TRPS1: variants seen among roughly 807,000 people sequenced by gnomAD.
TRPS1 encodes the protein transcriptional repressor GATA binding 1.
A neutral mutation model predicts 101.2 loss-of-function variants in TRPS1; 6 were observed. The observed-to-expected ratio is 0.06, with a 90% CI of 0.03 to 0.12. The LOEUF (loss-of-function observed/expected upper bound fraction) is 0.12. Ranked by LOEUF, TRPS1 falls within the 10% of genes least tolerant of loss-of-function variation. The pLI is 1.00. For missense variants in TRPS1, 1,363 were observed against 1,567.0 expected (o/e 0.87, Z 2.20); for synonymous variants, 578 against 589.8 (o/e 0.98, Z 0.29).
intron 5 of TRPS1, among the ~76,000 whole-genome samples, chr8:115,489,020 T>G (rs1814956713): frequency 1.3e-5 from 2 of 152,156 alleles, no homozygotes; most frequent in Non-Finnish European, 2.9e-5. Context: ...ACTTTTAAAC[T>G]CCCACTCCAT....
chr8:115,476,464 G>A (rs1305136236), intron 5 of TRPS1, among the ~76,000 whole-genome samples: 5 of 152,122 alleles, frequency 3.3e-5, no homozygotes, highest in Non-Finnish European at 7.4e-5. Context: ...ATCAGAGAGG[G>A]AGTTATTTCC....
chr8:115,658,543 T>A (rs1811727046), intron 1 of TRPS1, among the ~76,000 whole-genome samples: 1 of 152,150 alleles, frequency 6.6e-6, no homozygotes, highest in Admixed American at 6.6e-5. Flanking sequence ...GAGGGAAACC[T>A]GCTAATACTA....
intron 1 of TRPS1, among the ~76,000 whole-genome samples, chr8:115,662,928 C>T (rs998342952): frequency 7.2e-5 from 11 of 151,978 alleles, no homozygotes; most frequent in Non-Finnish European, 1.2e-4. Flanking sequence ...TAACAGGTGT[C>T]GCATTCGTTA....
At chr8:115,615,565 C>G (rs1229924396) in intron 3 of TRPS1, among the ~76,000 whole-genome samples, 1 of 152,070 alleles carries the variant, frequency 6.6e-6, no homozygotes, top group Non-Finnish European at 1.5e-5. Context: ...TCGAGACCAG[C>G]CTGGCCAATA....
chr8:115,522,618 A>C (rs1035512269), intron 5 of TRPS1, among the ~76,000 whole-genome samples: 3 of 152,110 alleles, frequency 2.0e-5, no homozygotes, highest in African/African-American at 7.2e-5. Flanking sequence ...GAAAGGAAAT[A>C]ATGAAATGTG....
At chr8:115,498,415 C>CTATATATATATATATA (rs67505193) in intron 5 of TRPS1, among the ~76,000 whole-genome samples, 2 of 39,314 alleles carry the variant, frequency 5.1e-5, no homozygotes, top group Non-Finnish European at 8.8e-5. Flanking sequence ...CTCTCTCTCT[C>CTATATATATATATATA]TATATATATA....
chr8:115,576,774 C>A (rs1186386954), intron 5 of TRPS1, among the ~76,000 whole-genome samples: 1 of 152,148 alleles, frequency 6.6e-6, no homozygotes, highest in Non-Finnish European at 1.5e-5. Context: ...ATATTTTAGA[C>A]TCTTCAAAAA....
chr8:115,550,075 G>A (rs1816668083), intron 5 of TRPS1, among the ~76,000 whole-genome samples: 1 of 152,062 alleles, frequency 6.6e-6, no homozygotes, highest in Non-Finnish European at 1.5e-5. Context: ...AAATTAGCCA[G>A]GCGTGGTGGT....
intron 5 of TRPS1, among the ~76,000 whole-genome samples, chr8:115,464,783 T>G (rs914146958): frequency 6.6e-6 from 1 of 152,132 alleles, no homozygotes; most frequent in Non-Finnish European, 1.5e-5. Flanking sequence ...ATCATTTGTG[T>G]GCCTTAAATT....
intron 5 of TRPS1, among the ~76,000 whole-genome samples, chr8:115,510,297 T>G (rs1259639567): frequency 6.6e-6 from 1 of 151,958 alleles, no homozygotes; most frequent in African/African-American, 2.4e-5. Context: ...ACTTGGCTGG[T>G]TATGGACTTA....
chr8:115,572,846 A>C (rs145025216), intron 5 of TRPS1, among the ~76,000 whole-genome samples: 364 of 152,252 alleles, frequency 2.4e-3, no homozygotes, highest in African/African-American at 8.3e-3. Flanking sequence ...CTGAAAATAA[A>C]TATACGCCAG....
chr8:115,486,951 T>TA (rs2130086404), intron 5 of TRPS1, among the ~76,000 whole-genome samples: 2 of 152,312 alleles, frequency 1.3e-5, no homozygotes, highest in South Asian at 2.1e-4. Flanking sequence ...TCAATGGAGA[T>TA]AAGACAGTTT....
chr8:115,445,317 A>G (rs1173239637), intron 5 of TRPS1, among the ~76,000 whole-genome samples: 2 of 152,186 alleles, frequency 1.3e-5, no homozygotes, highest in African/African-American at 2.4e-5. Flanking sequence ...CTTTATGTCT[A>G]CTATGCTTTC....
rs1816626334 is a variant in TRPS1 at position 115,548,338 on chromosome 8, T to TTTTG, written c.2700+38659_2700+38662dup. Among the ~76,000 whole-genome samples, 5 of 151,956 alleles carry TTTTG rather than the reference T, an allele frequency of 3.3e-5. No homozygotes were observed. In the South Asian group the frequency reaches 8.3e-4, roughly 25 times the overall value. On this transcript the variant is annotated intron_variant, in intron 5 of 6. Coordinates refer to ENST00000395715, the MANE Select transcript of TRPS1 (RefSeq NM_014112.5). ...CATTTTTTTGTTTTTGTTTTTTGGG[T>TTTTG]TTTGTTTGTTTGTTTTTGAGACAGA...
chr8:115,466,977 G>T (rs1451451515), intron 5 of TRPS1, among the ~76,000 whole-genome samples: 1 of 151,898 alleles, frequency 6.6e-6, no homozygotes, highest in Non-Finnish European at 1.5e-5. Flanking sequence ...CATCCCCTCA[G>T]AATGGAATAA....
At position 115,515,306 on chromosome 8, in the gene TRPS1, T is replaced by G. The variant is rs948486826; in HGVS notation, c.2700+71695A>C. On this transcript the variant is annotated intron_variant, in intron 5 of 6. Coordinates refer to ENST00000395715, the MANE Select transcript of TRPS1 (RefSeq NM_014112.5). Reference sequence around the variant, plus strand: ...AACCTAATGCAGTAACACGAAGAAGTACAGTAAAAAAGTTAGAATTAGCTC... The same window carrying G: ...AACCTAATGCAGTAACACGAAGAAGGACAGTAAAAAAGTTAGAATTAGCTC... 1.4e-5 allele frequency: 10 copies of G among 695,840 alleles called. No homozygotes were observed. The Admixed American group carries it at 1.8e-4, about 13-fold the overall frequency. 43.1% of individuals were successfully genotyped at this position (695,840 alleles called of 1,614,324 possible).
intron 5 of TRPS1, among the ~76,000 whole-genome samples, chr8:115,509,210 T>A (rs545573328): frequency 1.3e-5 from 2 of 152,020 alleles, no homozygotes; most frequent in Non-Finnish European, 2.9e-5. Flanking sequence ...GAACTCCTTA[T>A]CTCTTTAAAG....
chr8:115,503,259 C>CGA (rs1554578767), intron 5 of TRPS1, among the ~76,000 whole-genome samples: 12 of 128,814 alleles, frequency 9.3e-5, no homozygotes, highest in Admixed American at 7.3e-4. Context: ...GACTCTGTCT[C>CGA]AAAAAAAAAA....
chr8:115,418,317 A>T lies in TRPS1; in HGVS notation c.2823+13T>A. 6.2e-7 allele frequency: 1 copy of T among 1,614,120 alleles called. No individual in the cohort carries two copies. Among genetic ancestry groups the T allele is most frequent in the Non-Finnish European group, 8.5e-7 (1 of 1,179,966 alleles). ...TATAAAGCTTTTCCTGAAAGAGTGG[A>T]ACAAGTTCTTACCGAGTGAAGCTTC... On this transcript the variant is annotated intron_variant, in intron 6 of 6. Coordinates refer to ENST00000395715, the MANE Select transcript of TRPS1 (RefSeq NM_014112.5). This position sits in a 1 kb window ranked among gnomAD's most constrained non-coding sequence, Gnocchi z 4.3.
Sources: allele counts gnomAD v4.1 joint callset (sites outside exome capture counted in the v4.1 genomes callset), GRCh38; gene constraint gnomAD v4.1.1; non-coding constraint Gnocchi (gnomAD v3.1); transcripts MANE v1.5; gene names NCBI Gene and HGNC (gene_info 2026-07-23, HGNC 2026-07-21).